Variants in ARHGAP24 observed in about 807,000 individuals in gnomAD.
ARHGAP24 encodes Rho GTPase activating protein 24.
Under a neutral mutation model 76.4 loss-of-function variants are expected in ARHGAP24, and 50 were observed. The ratio of observed to expected loss-of-function variants is 0.65; its 90% CI spans 0.52 to 0.83. ARHGAP24 has a LOEUF of 0.83. ARHGAP24 is among the 40% of genes least tolerant of loss of function. The pLI, the probability that ARHGAP24 is intolerant of heterozygous loss-of-function variation, is 0.00. For missense variants in ARHGAP24, 930 were observed against 914.2 expected (o/e 1.02, Z -0.22); for synonymous variants, 345 against 323.3 (o/e 1.07, Z -0.72).
intron 4 of ARHGAP24, among the ~76,000 whole-genome samples, chr4:85,925,354 C>T (rs549286899): frequency 4.8e-4 from 73 of 152,346 alleles, no homozygotes; most frequent in African/African-American, 1.7e-3. Context: ...CAAAGTATCA[C>T]AGTGCTTGTG....
At chr4:85,971,557 T>G (rs1345734147) in intron 5 of ARHGAP24, among the ~76,000 whole-genome samples, 3 of 152,174 alleles carry the variant, frequency 2.0e-5, no homozygotes, top group African/African-American at 4.8e-5. Flanking sequence ...CAGTCTGTAA[T>G]AATCACATCA....
At chr4:85,779,653 T>C (rs958863130) in intron 3 of ARHGAP24, among the ~76,000 whole-genome samples, 38 of 152,144 alleles carry the variant, frequency 2.5e-4, no homozygotes, top group Non-Finnish European at 1.2e-4. Context: ...TTCACCTTAA[T>C]GGAGGAACAT....
chr4:85,629,185 C>T (rs546267762), intron 2 of ARHGAP24, among the ~76,000 whole-genome samples: 1 of 152,246 alleles, frequency 6.6e-6, no homozygotes, highest in South Asian at 2.1e-4. Context: ...ATAGTTATAA[C>T]AGTCTATTGC....
At chr4:85,852,465 C>A (rs1341303637) in intron 3 of ARHGAP24, among the ~76,000 whole-genome samples, 1 of 152,194 alleles carries the variant, frequency 6.6e-6, no homozygotes, top group Non-Finnish European at 1.5e-5. Flanking sequence ...TCGTCAAAGT[C>A]ATTCTCCATC....
At chr4:85,933,172 G>A (rs1022323632) in intron 4 of ARHGAP24, among the ~76,000 whole-genome samples, 13 of 152,128 alleles carry the variant, frequency 8.5e-5, no homozygotes, top group African/African-American at 2.9e-4. Flanking sequence ...ATCAGCTTAA[G>A]TCATTTTAAG....
At chr4:85,927,944 G>GGAAATGTAAAT (rs1736104269) in intron 4 of ARHGAP24, among the ~76,000 whole-genome samples, 1 of 152,084 alleles carries the variant, frequency 6.6e-6, no homozygotes, top group African/African-American at 2.4e-5. Flanking sequence ...ACTGTTAGGT[G>GGAAATGTAAAT]GAAATGTAAA....
chr4:85,495,341 ATTTT>A (rs35138716), intron 1 of ARHGAP24, among the ~76,000 whole-genome samples: 98 of 53,112 alleles, frequency 1.8e-3, no homozygotes, highest in African/African-American at 6.1e-3. Context: ...GAAGTACAGA[ATTTT>A]TTTTTTTTTT....
intron 5 of ARHGAP24, among the ~76,000 whole-genome samples, chr4:85,952,344 G>A (rs865975369): frequency 6.6e-6 from 1 of 152,136 alleles, no homozygotes; most frequent in Non-Finnish European, 1.5e-5. Flanking sequence ...CAGTACATTG[G>A]TTTCTTTAAT....
chr4:85,926,698 A>G (rs2148813993), intron 4 of ARHGAP24, among the ~76,000 whole-genome samples: 1 of 152,326 alleles, frequency 6.6e-6, no homozygotes, highest in African/African-American at 2.4e-5. Flanking sequence ...TCCACTTAAC[A>G]TTTCATTGAA....
intron 4 of ARHGAP24, among the ~76,000 whole-genome samples, chr4:85,931,772 C>A (rs1420100196): frequency 2.6e-5 from 4 of 151,982 alleles, no homozygotes; most frequent in African/African-American, 9.7e-5. Flanking sequence ...GTTTATGGAT[C>A]AAAATATTTA....
chr4:85,583,961 T>G (rs1190409869), intron 2 of ARHGAP24, among the ~76,000 whole-genome samples: 1 of 150,244 alleles, frequency 6.7e-6, no homozygotes, highest in Non-Finnish European at 1.5e-5. Context: ...GGAGAGGATG[T>G]GCAGAAATAG....
chr4:85,701,236 A>T (rs576648859), intron 2 of ARHGAP24, among the ~76,000 whole-genome samples: 1 of 152,064 alleles, frequency 6.6e-6, no homozygotes, highest in Non-Finnish European at 1.5e-5. Flanking sequence ...TCCTAATCAC[A>T]TTATCGATTT....
intron 3 of ARHGAP24, among the ~76,000 whole-genome samples, chr4:85,822,221 G>T (rs2110124909): frequency 6.6e-6 from 1 of 152,182 alleles, no homozygotes; most frequent in East Asian, 1.9e-4. Flanking sequence ...TGTGGATTTG[G>T]TCTTTCTGTT....
intron 3 of ARHGAP24, among the ~76,000 whole-genome samples, chr4:85,874,665 A>C (rs1732721328): frequency 6.6e-6 from 1 of 150,710 alleles, no homozygotes; most frequent in Non-Finnish European, 1.5e-5. Flanking sequence ...GTTCATGCCT[A>C]AGAAACATGT....
At chr4:85,839,957 C>T (rs1730507693) in intron 3 of ARHGAP24, among the ~76,000 whole-genome samples, 1 of 141,784 alleles carries the variant, frequency 7.1e-6, no homozygotes. Context: ...TCAAGCGATT[C>T]TCCTGCCTCA....
intron 4 of ARHGAP24, among the ~76,000 whole-genome samples, chr4:85,939,345 T>C (rs1037110584): frequency 5.7e-4 from 86 of 152,180 alleles, no homozygotes; most frequent in African/African-American, 2.0e-3. Flanking sequence ...GGAAAAGGAC[T>C]GATATTCAGG....
chr4:85,765,395 T>A (rs544752797), intron 3 of ARHGAP24, among the ~76,000 whole-genome samples: 16 of 152,242 alleles, frequency 1.1e-4, no homozygotes, highest in African/African-American at 3.8e-4. Context: ...TCAAGATGAA[T>A]GATTAATGTT....
At chr4:85,675,205 A>T (rs1316107452) in intron 2 of ARHGAP24, among the ~76,000 whole-genome samples, 1 of 152,212 alleles carries the variant, frequency 6.6e-6, no homozygotes, top group Non-Finnish European at 1.5e-5. Flanking sequence ...GCCAGTTGAA[A>T]AAAACCATGA....
intron 3 of ARHGAP24, among the ~76,000 whole-genome samples, chr4:85,817,328 A>C (rs989531648): frequency 4.6e-5 from 7 of 152,182 alleles, no homozygotes; most frequent in Non-Finnish European, 1.0e-4. Flanking sequence ...TATCCAAAAA[A>C]ATTATTGCCC....
Sources: gnomAD v4.1 joint callset for allele counts (sites outside exome capture counted in the v4.1 genomes callset) on GRCh38, gnomAD v4.1.1 for gene constraint, MANE v1.5 for transcripts, NCBI Gene and HGNC (gene_info 2026-07-23, HGNC 2026-07-21) for gene names.